CACNA2D4: variants seen among roughly 807,000 people sequenced by gnomAD.
CACNA2D4 encodes voltage-dependent calcium channel subunit alpha-2/delta-4.
CACNA2D4 carries 157 observed loss-of-function variants against 163.8 expected under a neutral mutation model. That is an observed-to-expected ratio of 0.96 (90% CI 0.84 to 1.09). The LOEUF (loss-of-function observed/expected upper bound fraction) is 1.09. Among genes scored for constraint, CACNA2D4 ranks in the 50% least tolerant of loss-of-function variants. CACNA2D4 has a pLI of 0.00. For synonymous variants in CACNA2D4, 598 were observed against 586.9 expected (o/e 1.02, Z -0.27); for missense variants, 1,410 against 1,479.9 (o/e 0.95, Z 0.78).
chr12:1,882,978 C>CTG lies in CACNA2D4; in HGVS notation c.1373_1374insCA (p.Leu459SerfsTer9), dbSNP rs1866041855. 1.2e-6 allele frequency: 2 copies of CTG among 1,613,044 alleles called. No homozygotes were observed. The highest frequency in any genetic ancestry group is 4.5e-5 in the East Asian group (2 of 44,844). On this transcript the variant is annotated frameshift_variant, in exon 13 of 38. Transcript: ENST00000382722. LOFTEE classifies it high-confidence loss of function. ...TCACGTTCTCCTGGGTGTCCGCCAGCGTTGAGATCTGCGTGTAGTAGCCTG... is the reference window on the plus strand; with the variant it reads ...TCACGTTCTCCTGGGTGTCCGCCAGCTGGTTGAGATCTGCGTGTAGTAGCCTG...
At chr12:1,805,713 A>G (rs1863512049) in intron 29 of CACNA2D4, among the ~76,000 whole-genome samples, 1 of 152,190 alleles carries the variant, frequency 6.6e-6, no homozygotes, top group Non-Finnish European at 1.5e-5. Flanking sequence ...GATTAATTCT[A>G]TTCCTGGAGG....
intron 26 of CACNA2D4, among the ~76,000 whole-genome samples, chr12:1,840,442 A>AGG (rs150758503): frequency 2.5e-5 from 3 of 121,262 alleles, no homozygotes; most frequent in Non-Finnish European, 3.5e-5. Flanking sequence ...TATGTGGAAG[A>AGG]GGGGGGTGGG....
intron 6 of CACNA2D4, among the ~76,000 whole-genome samples, chr12:1,898,347 C>T (rs913327027): frequency 6.6e-6 from 1 of 151,756 alleles, no homozygotes; most frequent in African/African-American, 2.4e-5. Flanking sequence ...GGTTAATGTT[C>T]AGAATATACA....
intron 26 of CACNA2D4, among the ~76,000 whole-genome samples, chr12:1,817,129 T>C (rs1041524858): frequency 1.3e-5 from 2 of 152,162 alleles, no homozygotes; most frequent in African/African-American, 4.8e-5. Context: ...TCATCTTTTG[T>C]AACACAAGCT....
At chr12:1,800,893 T>G in intron 31 of CACNA2D4, 150 bp downstream of exon 31, 1 of 682,528 alleles carries the variant, frequency 1.5e-6, no homozygotes, top group Non-Finnish European at 2.5e-6. Context: ...CTGAGAGCAG[T>G]GGCTCTGAGC....
In CACNA2D4 at chr12:1,798,115, G is replaced by T. The variant is rs1161022987; in HGVS notation, c.2996-580C>A. Among the ~76,000 whole-genome samples the T allele has an allele frequency of 4.6e-5, 7 of 152,198 alleles. No individual in the cohort carries two copies. The highest frequency in any genetic ancestry group is 8.8e-5 in the Non-Finnish European group (6 of 68,012). Reference sequence around the variant, plus strand: ...CAGAAGCCACAGCCACCCGGTGCGGGACTCCTCGGGGGCTGCGCGATTTGC... The same window carrying T: ...CAGAAGCCACAGCCACCCGGTGCGGTACTCCTCGGGGGCTGCGCGATTTGC... On this transcript the variant is annotated intron_variant, in intron 34 of 37. Coordinates refer to ENST00000382722, the MANE Select transcript of CACNA2D4 (RefSeq NM_172364.5). The surrounding 1 kb of genome is among the most constrained non-coding windows in gnomAD (Gnocchi z 4.3).
chr12:1,854,017 A>G lies in CACNA2D4; in HGVS notation c.2180T>C (p.Leu727Pro). 6.2e-7 allele frequency: 1 copy of G among 1,612,672 alleles called. No homozygotes were observed. Among genetic ancestry groups the G allele is most frequent in the Non-Finnish European group, 8.5e-7 (1 of 1,179,212 alleles). Reference protein sequence around the residue: ...ECDEELVREVLFDAVVTAPME... With the variant: ...ECDEELVREVPFDAVVTAPME... ...GGGGGCTGTCACCACCGCGTCAAAC[A>G]GCACCTCCCGGACCAGCTCCTCGTC... The change falls in exon 23 of 38, where the codon CTG (leucine) becomes CCG (proline). Residue 727 changes from leucine (L) to proline (P), a missense_variant. By Grantham distance (98) the Leu-to-Pro change is moderately conservative. Coordinates refer to ENST00000382722, the MANE Select transcript of CACNA2D4 (RefSeq NM_172364.5).
At chr12:1,847,579 C>T (rs138451667) in intron 23 of CACNA2D4, among the ~76,000 whole-genome samples, 380 of 152,262 alleles carry the variant, frequency 2.5e-3, no homozygotes, top group African/African-American at 9.0e-3. Context: ...GCATGGGAGT[C>T]ATAGGACTCG....
intron 1 of CACNA2D4, chr12:1,915,280 T>G (rs1293260386): frequency 1.4e-6 from 1 of 702,328 alleles, no homozygotes; most frequent in Non-Finnish European, 2.6e-6. Context: ...TGCACTGCTG[T>G]GTGCTGAATG....
chr12:1,841,804 C>T (rs1191514144), intron 25 of CACNA2D4, among the ~76,000 whole-genome samples: 1 of 152,250 alleles, frequency 6.6e-6, no homozygotes, highest in Non-Finnish European at 1.5e-5. Context: ...CAGCTTCTCA[C>T]ATCTGCCACG....
chr12:1,840,793 T>C lies in CACNA2D4; in HGVS notation c.2497A>G (p.Thr833Ala), dbSNP rs771871208. The C allele has an allele frequency of 1.2e-6, 2 of 1,613,758 alleles. No homozygotes were observed. Among genetic ancestry groups the C allele is most frequent in the African/African-American group, 2.7e-5 (2 of 74,912 alleles). Residue 833 changes from threonine (T) to alanine (A), a missense_variant, in exon 26 of 38, where the codon ACG becomes GCG. By Grantham distance (58) the Thr-to-Ala change is moderately conservative (BLOSUM62 0). Coordinates refer to ENST00000382722, the MANE Select transcript of CACNA2D4 (RefSeq NM_172364.5). ...PESAGEPMVV[T>A]ASTAVAVTVD... ...GTCACCGCCACAGCTGTGCTTGCCG[T>C]CACCACCATGGGTTCACCCGCACTT...
intron 18 of CACNA2D4, among the ~76,000 whole-genome samples, chr12:1,872,363 G>A (rs1865804740): frequency 6.6e-6 from 1 of 152,202 alleles, no homozygotes; most frequent in Non-Finnish European, 1.5e-5. Context: ...TTGACGTGTG[G>A]AAAATAAGGA....
At chr12:1,886,191 A>G in intron 8 of CACNA2D4, 32 bp downstream of exon 8, 1 of 1,605,452 alleles carries the variant, frequency 6.2e-7, no homozygotes, top group Non-Finnish European at 8.5e-7. Context: ...AGAGCAAGTG[A>G]GAGCTATTCT....
chr12:1,883,190 C>T lies in CACNA2D4; in HGVS notation c.1352-190G>A, dbSNP rs577864976. 2.0e-5 allele frequency among the ~76,000 whole-genome samples: 3 copies of T among 152,348 alleles called. No individual in the cohort carries two copies. In the East Asian group the frequency reaches 5.8e-4, roughly 29 times the overall value. On this transcript the variant is annotated intron_variant, in intron 12 of 37. Transcript: ENST00000382722. This position sits in a 1 kb window ranked among gnomAD's most constrained non-coding sequence, Gnocchi z 4.5. Reference sequence around the variant, plus strand: ...GGGGCAGCCGCAGGCCAGTGGGAGGCCAAGGCTCACTCTGCTGCACCCTGG... The same window carrying T: ...GGGGCAGCCGCAGGCCAGTGGGAGGTCAAGGCTCACTCTGCTGCACCCTGG...
In CACNA2D4 at chr12:1,798,860, C is replaced by T. The variant is rs942349481; in HGVS notation, c.2995+815G>A. ...GTGAACACCCCAGAGCAGCCCCACC[C>T]GATCGCGGATGTGAGTCCAGAAGGA... On this transcript the variant is annotated intron_variant, in intron 34 of 37. Coordinates refer to ENST00000382722, the MANE Select transcript of CACNA2D4 (RefSeq NM_172364.5). The surrounding 1 kb of genome is among the most constrained non-coding windows in gnomAD (Gnocchi z 4.3). Among the ~76,000 whole-genome samples, 5 of 152,196 alleles carry T rather than the reference C, an allele frequency of 3.3e-5. No homozygotes were observed. Among genetic ancestry groups the T allele is most frequent in the African/African-American group, 9.7e-5 (4 of 41,450 alleles).
At chr12:1,819,584 T>A (rs149497645) in intron 26 of CACNA2D4, among the ~76,000 whole-genome samples, 1 of 152,300 alleles carries the variant, frequency 6.6e-6, no homozygotes, top group East Asian at 1.9e-4. Flanking sequence ...GATTTAGGGT[T>A]CGTGCTCCAG....
At chr12:1,800,272 G>A (rs1237514643) in intron 32 of CACNA2D4, 114 bp downstream of exon 32, 3 of 1,189,258 alleles carry the variant, frequency 2.5e-6, no homozygotes, top group East Asian at 2.5e-5. Flanking sequence ...CCTTCCCCGG[G>A]GTCTGGTAGC....
In CACNA2D4 at chr12:1,820,501, C is replaced by T. The variant is rs1033111401; in HGVS notation, c.2552-8778G>A. On this transcript the variant is annotated intron_variant, in intron 26 of 37. Coordinates refer to ENST00000382722, the MANE Select transcript of CACNA2D4 (RefSeq NM_172364.5). This position sits in a 1 kb window ranked among gnomAD's most constrained non-coding sequence, Gnocchi z 6.0. ...CCGCTCCACTCTGGCTCGCTGCTCG[C>T]GCACACGCGTGCGCTCTCCTCCCTC... The T allele has an allele frequency of 3.9e-5, 6 of 152,362 alleles. No homozygotes were observed. The highest frequency in any genetic ancestry group is 9.6e-5 in the African/African-American group (4 of 41,470). The allele number at this position is 152,362 out of a possible 1,614,324, so 9.4% of individuals were successfully genotyped here. A position where few individuals can be genotyped will look rare whatever the true frequency, so the allele number is the denominator to read the frequency against.
chr12:1,898,933 A>G (rs548652691), intron 6 of CACNA2D4, among the ~76,000 whole-genome samples: 6 of 152,246 alleles, frequency 3.9e-5, no homozygotes, highest in African/African-American at 1.4e-4. Flanking sequence ...GGGGGAGAAG[A>G]GAATGGAGAG....
Sources: allele counts gnomAD v4.1 joint callset (sites outside exome capture counted in the v4.1 genomes callset), GRCh38; gene constraint gnomAD v4.1.1; non-coding constraint Gnocchi (gnomAD v3.1); transcripts MANE v1.5; gene names NCBI Gene and HGNC (gene_info 2026-07-23, HGNC 2026-07-21).